Variants in FBXO16 observed in about 807,000 individuals in gnomAD.
FBXO16 encodes F-box protein 16.
FBXO16 carries 31 observed loss-of-function variants against 41.0 expected under a neutral mutation model. The observed-to-expected ratio is 0.76, with a 90% CI of 0.57 to 1.02. The LOEUF is 1.02. FBXO16 is among the 50% of genes least tolerant of loss of function. FBXO16 has a pLI of 0.00. For missense variants in FBXO16, 361 were observed against 346.2 expected, an observed-to-expected ratio of 1.04 and a Z score of -0.34; for synonymous variants, 133 against 117.8, an observed-to-expected ratio of 1.13 and a Z score of -0.84.
At chr8:28,470,547 G>C (rs1049868854) in intron 3 of FBXO16, among the ~76,000 whole-genome samples, 3 of 152,182 alleles carry the variant, frequency 2.0e-5, no homozygotes, top group African/African-American at 7.2e-5. Context: ...TCTTTACCAA[G>C]TGAGTTTAAA....
chr8:28,434,932 G>C (rs1052389810), intron 7 of FBXO16, among the ~76,000 whole-genome samples: 1 of 152,244 alleles, frequency 6.6e-6, no homozygotes, highest in African/African-American at 2.4e-5. Flanking sequence ...AGCCCCAGAG[G>C]GGGTGTCAGT....
chr8:28,483,368 G>A lies in FBXO16; in HGVS notation c.79C>T (p.His27Tyr), dbSNP rs1288081141. The change falls in exon 2 of 9, where the codon CAT becomes TAT. Residue 27 changes from histidine (H) to tyrosine (Y), a missense_variant. His to Tyr is a moderately conservative substitution (Grantham distance 83). Transcript: ENST00000380254. The stretch of plus-strand genomic sequence containing the variant: ...CTTACCCGGTCATTCAATAGCTGAT[G>A]GTTTAGGGGTGTCCAGGTGCTCATC... The part of the protein sequence containing the change: ...TKMSTWTPLN[H>Y]QLLNDRVFEE... 6.2e-7 allele frequency: 1 copy of A among 1,613,662 alleles called. No individual in the cohort carries two copies. The highest frequency in any genetic ancestry group is 1.7e-5 in the Admixed American group (1 of 59,908).
At chr8:28,450,776 T>A (rs1462079016) in intron 6 of FBXO16, among the ~76,000 whole-genome samples, 2 of 152,040 alleles carry the variant, frequency 1.3e-5, no homozygotes, top group African/African-American at 4.8e-5. Flanking sequence ...GCACCAAAAC[T>A]TATGAAGACC....
chr8:28,453,260 C>T (rs1361957400), intron 5 of FBXO16, among the ~76,000 whole-genome samples: 1 of 149,374 alleles, frequency 6.7e-6, no homozygotes. Flanking sequence ...CAAGCCCACA[C>T]ATAAGACCTC....
At chr8:28,465,437 A>T (rs1803220320) in intron 3 of FBXO16, 2 of 449,882 alleles carry the variant, frequency 4.4e-6, no homozygotes. Context: ...AGCCCGAGCA[A>T]CACCCCATCT....
At position 28,429,367 on chromosome 8, in the gene FBXO16, C is replaced by T. The variant is rs376265482; in HGVS notation, c.869+11G>A. ...CAAATGTCACAGGTTGATATCACAA[C>T]CGAAACTCACAGTGGGAAGGGATTT... is the stretch of plus-strand genomic sequence containing the variant. On this transcript the variant is annotated intron_variant, in intron 8 of 8. Coordinates refer to ENST00000380254, the MANE Select transcript of FBXO16 (RefSeq NM_172366.4). 59 of 1,613,724 alleles carry T rather than the reference C, an allele frequency of 3.7e-5. No individual in the cohort carries two copies. Among genetic ancestry groups the T allele is most frequent in the Non-Finnish European group, 4.7e-5 (56 of 1,179,866 alleles).
intron 1 of FBXO16, among the ~76,000 whole-genome samples, chr8:28,488,909 T>C (rs1305991501): frequency 1.3e-5 from 2 of 152,176 alleles, no homozygotes; most frequent in Admixed American, 6.5e-5. Flanking sequence ...ACTGAACTCA[T>C]GGCCACTCTG....
intron 6 of FBXO16, 83 bp from the exon 7 acceptor site, chr8:28,447,356 TTTG>T (rs1802881568): frequency 8.4e-7 from 1 of 1,190,200 alleles, no homozygotes; most frequent in Admixed American, 2.0e-5. Context: ...TCTGTTTGAG[TTTG>T]TTGTTCCTGT....
intron 5 of FBXO16, among the ~76,000 whole-genome samples, chr8:28,453,981 T>A (rs1466521944): frequency 6.6e-6 from 1 of 151,854 alleles, no homozygotes. Flanking sequence ...CTGGCCAACA[T>A]GGTGAAACCC....
rs117014746 is a variant in FBXO16 at position 28,476,942 on chromosome 8, G to A, written c.100-3135C>T. 3.3e-5 allele frequency among the ~76,000 whole-genome samples: 5 copies of A among 152,194 alleles called. No homozygotes were observed. In the East Asian group the frequency reaches 5.8e-4, roughly 18 times the overall value. ...AAATGTCAAGGAAATTATCCTATCC[G>A]TCATCTTCCATAGTTACCTTTCTAT... On this transcript the variant is annotated intron_variant, in intron 2 of 8. Coordinates refer to ENST00000380254, the MANE Select transcript of FBXO16 (RefSeq NM_172366.4).
chr8:28,478,159 A>G (rs1189447452), intron 2 of FBXO16, among the ~76,000 whole-genome samples: 1 of 152,208 alleles, frequency 6.6e-6, no homozygotes, highest in African/African-American at 2.4e-5. Context: ...AAACCAAAAA[A>G]TTATTATTAT....
intron 1 of FBXO16, among the ~76,000 whole-genome samples, chr8:28,489,308 C>T (rs1386783592): frequency 6.6e-6 from 1 of 151,858 alleles, no homozygotes; most frequent in African/African-American, 2.4e-5. Flanking sequence ...TGCCACTGCA[C>T]TCCAGCCTGG....
At chr8:28,484,142 T>A (rs936243488) in intron 1 of FBXO16, among the ~76,000 whole-genome samples, 2 of 152,178 alleles carry the variant, frequency 1.3e-5, no homozygotes, top group Non-Finnish European at 2.9e-5. Context: ...CCAGAATCAC[T>A]CCTAGCTAAG....
At chr8:28,466,500 G>A (rs1306554447) in intron 3 of FBXO16, among the ~76,000 whole-genome samples, 1 of 151,904 alleles carries the variant, frequency 6.6e-6, no homozygotes, top group African/African-American at 2.4e-5. Context: ...TCCCATAAAA[G>A]GAGACTTCTG....
chr8:28,460,898 C>A (rs1016708528), intron 4 of FBXO16, among the ~76,000 whole-genome samples: 5 of 152,016 alleles, frequency 3.3e-5, no homozygotes, highest in African/African-American at 9.7e-5. Flanking sequence ...CCACACCTGG[C>A]TAATTTTTGT....
intron 2 of FBXO16, among the ~76,000 whole-genome samples, chr8:28,480,073 G>A (rs1214509738): frequency 1.3e-5 from 2 of 151,850 alleles, no homozygotes; most frequent in Admixed American, 1.3e-4. Context: ...GGTGTTCCTG[G>A]CTAGATGAAG....
intron 1 of FBXO16, among the ~76,000 whole-genome samples, chr8:28,487,391 G>T (rs1370161678): frequency 1.4e-5 from 2 of 139,326 alleles, no homozygotes; most frequent in Admixed American, 1.5e-4. Context: ...TAAGAAGACA[G>T]ATTTTTTTTT....
At chr8:28,446,976 C>G (rs952681299) in intron 7 of FBXO16, 195 bp downstream of exon 7, 1 of 464,330 alleles carries the variant, frequency 2.2e-6, no homozygotes, top group Admixed American at 3.8e-5. Context: ...GATGAGAAAA[C>G]AGAGGCTCAG....
intron 7 of FBXO16, among the ~76,000 whole-genome samples, chr8:28,439,289 A>C (rs758952253): frequency 2.0e-5 from 3 of 152,110 alleles, no homozygotes; most frequent in Non-Finnish European, 2.9e-5. Context: ...TTAGTACAAG[A>C]GCCCAGGTCT....
Sources: gnomAD v4.1 joint callset for allele counts (sites outside exome capture counted in the v4.1 genomes callset) on GRCh38, gnomAD v4.1.1 for gene constraint, MANE v1.5 for transcripts, NCBI Gene and HGNC (gene_info 2026-07-23, HGNC 2026-07-21) for gene names.